DNAH11: variants seen among roughly 807,000 people sequenced by gnomAD.
DNAH11 encodes axonemal beta dynein heavy chain 11.
A neutral mutation model predicts 526.0 loss-of-function variants in DNAH11; 442 were observed. The observed-to-expected ratio is 0.84, with a 90% CI of 0.78 to 0.91. The LOEUF is 0.91. Ranked by LOEUF, DNAH11 falls within the 40% of genes least tolerant of loss-of-function variation. The pLI, the probability that DNAH11 is intolerant of heterozygous loss-of-function variation, is 0.00. For synonymous variants in DNAH11, 2,461 were observed against 1,935.9 expected (o/e 1.27, Z -7.12); for missense variants, 6,989 against 5,448.7 (o/e 1.28, Z -8.90).
At chr7:21,712,530 G>A (rs575295094) in intron 42 of DNAH11, among the ~76,000 whole-genome samples, 13 of 152,254 alleles carry the variant, frequency 8.5e-5, no homozygotes, top group South Asian at 2.1e-4. Flanking sequence ...CACCTGTGCC[G>A]GCACTTGTTA....
chr7:21,818,350 T>A lies in DNAH11; in HGVS notation c.10691+11T>A. 1 of 1,606,154 alleles carries A rather than the reference T, an allele frequency of 6.2e-7. No individual in the cohort carries two copies. The highest frequency in any genetic ancestry group is 1.1e-5 in the South Asian group (1 of 88,784). On this transcript the variant is annotated intron_variant, in intron 65 of 81. Transcript: ENST00000409508. ...AATTAAAAAAGGAAAGTAAGTATTC[T>A]TGAATTTTTAACATATATATCTTGC...
At position 21,588,637 on chromosome 7, in the gene DNAH11, G is replaced by A; in HGVS notation, c.1973+1G>A. ...CAAACTTCGCATCTCTCCGTTATCT[G>A]TAAGTAGTTAAGCTTAGGTCATGGC... On this transcript the variant is annotated splice_donor_variant, in intron 11 of 81. Transcript: ENST00000409508. LOFTEE classifies it high-confidence loss of function. 1.9e-6 allele frequency: 3 copies of A among 1,612,768 alleles called. No individual in the cohort carries two copies. In the South Asian group the frequency reaches 3.3e-5, roughly 18 times the overall value.
chr7:21,610,668 G>C (rs1238563858), intron 20 of DNAH11, among the ~76,000 whole-genome samples: 1 of 151,458 alleles, frequency 6.6e-6, no homozygotes, highest in Non-Finnish European at 1.5e-5. Flanking sequence ...AGTTGAATTT[G>C]AAAAAGGGCC....
At chr7:21,675,116 C>T (rs752941518) in intron 30 of DNAH11, among the ~76,000 whole-genome samples, 62 of 152,172 alleles carry the variant, frequency 4.1e-4, no homozygotes, top group Non-Finnish European at 1.0e-4. Flanking sequence ...TACAGTATAG[C>T]CAGAGAAATA....
chr7:21,695,162 T>C (rs1007329009), intron 35 of DNAH11, among the ~76,000 whole-genome samples: 1 of 152,152 alleles, frequency 6.6e-6, no homozygotes. Flanking sequence ...AAAATGGCCA[T>C]ACTGTTCAAA....
chr7:21,897,223 G>A (rs1784548077), intron 79 of DNAH11, among the ~76,000 whole-genome samples: 1 of 151,950 alleles, frequency 6.6e-6, no homozygotes, highest in Non-Finnish European at 1.5e-5. Context: ...ATACTTACAA[G>A]TAAGTATTTT....
chr7:21,654,707 G>A (rs183908341), intron 28 of DNAH11, among the ~76,000 whole-genome samples: 2 of 152,256 alleles, frequency 1.3e-5, no homozygotes, highest in Admixed American at 1.3e-4. Flanking sequence ...AATAACAAGG[G>A]AACATGTATT....
intron 54 of DNAH11, among the ~76,000 whole-genome samples, chr7:21,751,640 G>A (rs1310915773): frequency 1.3e-5 from 2 of 152,174 alleles, no homozygotes; most frequent in African/African-American, 4.8e-5. Flanking sequence ...AGTATTTAAG[G>A]ATAGGAGACG....
At chr7:21,825,222 G>T (rs114596844) in intron 65 of DNAH11, among the ~76,000 whole-genome samples, 88 of 152,176 alleles carry the variant, frequency 5.8e-4, no homozygotes, top group African/African-American at 2.1e-3. Flanking sequence ...TTTATTTAGC[G>T]TTCTTATTGA....
In DNAH11 at chr7:21,718,188, G is replaced by GT. The variant is rs146409469; in HGVS notation, c.7134+263_7134+264insT. 3.4e-4 allele frequency among the ~76,000 whole-genome samples: 52 copies of GT among 151,354 alleles called. 1 individual carries two copies. Among genetic ancestry groups the GT allele is most frequent in the African/African-American group, 1.2e-3 (51 of 41,078 alleles). On this transcript the variant is annotated intron_variant, in intron 43 of 81. Coordinates refer to ENST00000409508, the MANE Select transcript of DNAH11 (RefSeq NM_001277115.2). ...AAGAAGGTTAGAACCATGTTTTACT[G>GT]ATTTTTTTTTAGTATCCCCAGATAG...
intron 47 of DNAH11, 119 bp from the exon 48 acceptor site, chr7:21,739,452 C>T (rs781694726): frequency 9.8e-6 from 7 of 712,190 alleles, no homozygotes; most frequent in African/African-American, 7.4e-5. Flanking sequence ...AGGTCAACCT[C>T]ACAGAGTGAT....
At chr7:21,697,754 G>A (rs537238480) in intron 35 of DNAH11, among the ~76,000 whole-genome samples, 3 of 152,240 alleles carry the variant, frequency 2.0e-5, no homozygotes, top group Admixed American at 1.3e-4. Context: ...GTAAAGCCTC[G>A]CCCCTTGCTC....
intron 32 of DNAH11, among the ~76,000 whole-genome samples, chr7:21,686,070 A>T (rs1159098819): frequency 1.3e-5 from 2 of 152,248 alleles, no homozygotes; most frequent in African/African-American, 4.8e-5. Flanking sequence ...CTTTTCACTC[A>T]TTCATTGTAA....
chr7:21,613,514 T>C (rs1254484816), intron 20 of DNAH11, among the ~76,000 whole-genome samples: 2 of 147,018 alleles, frequency 1.4e-5, no homozygotes, highest in Non-Finnish European at 3.0e-5. Context: ...AGATATAACT[T>C]GTAAAAATGA....
At position 21,842,806 on chromosome 7, in the gene DNAH11, A is replaced by G. The variant is rs17145649; in HGVS notation, c.10896+58A>G. 77,498 of 1,406,374 alleles carry G rather than the reference A, an allele frequency of 0.055. 3,269 individuals carry two copies. The highest frequency in any genetic ancestry group is 0.24 in the East Asian group (9,593 of 40,800). The allele number at this position is 1,406,374 out of a possible 1,614,324, so 87.1% of individuals were successfully genotyped here. ...TCGGCATTTGCTTTGCACAAATCAC[A>G]GTGCTAGACATAGAAGTATAAAATA... is the stretch of plus-strand genomic sequence containing the variant. On this transcript the variant is annotated intron_variant, in intron 66 of 81. Coordinates refer to ENST00000409508, the MANE Select transcript of DNAH11 (RefSeq NM_001277115.2).
chr7:21,803,821 G>A (rs1789116708), intron 62 of DNAH11, among the ~76,000 whole-genome samples: 1 of 149,588 alleles, frequency 6.7e-6, no homozygotes, highest in African/African-American at 2.5e-5. Context: ...TGGGGAATGG[G>A]GCTGTCATCA....
In DNAH11 at chr7:21,707,746, G is replaced by A. The variant is rs200894470; in HGVS notation, c.6594G>A (p.Pro2198=). Reference sequence around the variant, plus strand: ...CATATGTTAACATGAAACAGAAGCCGGTTTGGAATGACTTAAACCCTAAAG... The same window carrying A: ...CATATGTTAACATGAAACAGAAGCCAGTTTGGAATGACTTAAACCCTAAAG... ...NRTYVNMKQK[P]VWNDLNPKAV... The change falls in exon 40 of 82, where the codon CCG becomes CCA. Residue 2198 remains proline, a synonymous_variant. Coordinates refer to ENST00000409508, the MANE Select transcript of DNAH11 (RefSeq NM_001277115.2). 9.5e-5 allele frequency: 154 copies of A among 1,613,234 alleles called. No homozygotes were observed. In the East Asian group the frequency reaches 1.8e-3, roughly 19 times the overall value.
chr7:21,628,387 A>G (rs1266987258), intron 25 of DNAH11, among the ~76,000 whole-genome samples: 3 of 152,146 alleles, frequency 2.0e-5, no homozygotes, highest in Non-Finnish European at 2.9e-5. Context: ...AGGAAAGGCT[A>G]TCAAATTTTC....
Position 21,749,812 on chromosome 7 carries a change from C to G in DNAH11, c.8797+11C>G. 6.2e-7 allele frequency: 1 copy of G among 1,613,198 alleles called. No homozygotes were observed. The highest frequency in any genetic ancestry group is 8.5e-7 in the Non-Finnish European group (1 of 1,179,542). On this transcript the variant is annotated intron_variant, in intron 53 of 81. Transcript: ENST00000409508. ...ACTTGCTGGCATCAGGTGATTAAAC[C>G]AACACATTTCTTGAAAGATCTTCCC...
Sources: allele counts gnomAD v4.1 joint callset (sites outside exome capture counted in the v4.1 genomes callset), GRCh38; gene constraint gnomAD v4.1.1; transcripts MANE v1.5; gene names NCBI Gene and HGNC (gene_info 2026-07-23, HGNC 2026-07-21).